GRIK5: variants seen among roughly 807,000 people sequenced by gnomAD.
GRIK5 encodes the protein glutamate ionotropic receptor kainate type subunit 5, also known as glutamate receptor ionotropic, kainate 5.
A neutral mutation model predicts 97.4 loss-of-function variants in GRIK5; 43 were observed. The observed-to-expected ratio is 0.44, with a 90% CI of 0.35 to 0.57. The LOEUF (loss-of-function observed/expected upper bound fraction) is 0.57, where lower values mean the gene tolerates loss of function less well. Ranked by LOEUF, GRIK5 falls within the 20% of genes least tolerant of loss-of-function variation. The pLI, the probability that GRIK5 is intolerant of heterozygous loss-of-function variation, is 0.01. For missense variants in GRIK5, 1,015 were observed against 1,382.0 expected (o/e 0.73, Z 4.21); for synonymous variants, 580 against 583.5 (o/e 0.99, Z 0.09).
At chr19:42,057,658 G>A (rs1360406429) in intron 6 of GRIK5, among the ~76,000 whole-genome samples, 1 of 152,080 alleles carries the variant, frequency 6.6e-6, no homozygotes, top group African/African-American at 2.4e-5. Context: ...GAGCCACCAG[G>A]CCCAGCAGAG....
chr19:42,042,981 C>T lies in GRIK5; in HGVS notation c.1270-226G>A. The T allele has an allele frequency of 1.8e-6, 1 of 571,422 alleles. No homozygotes were observed. The highest frequency in any genetic ancestry group is 2.2e-5 in the South Asian group (1 of 45,680). 35.4% of individuals were successfully genotyped at this position (571,422 alleles called of 1,614,324 possible). A position where few individuals can be genotyped will look rare whatever the true frequency, so the allele number is the denominator to read the frequency against. On this transcript the variant is annotated intron_variant, in intron 11 of 19. Coordinates refer to ENST00000593562, the MANE Select transcript of GRIK5 (RefSeq NM_002088.5). The surrounding 1 kb of genome is among the most constrained non-coding windows in gnomAD (Gnocchi z 6.9). ...CAGTTCCTAGCAGATTGCAGGGAGCCATTTTAATCTTCAGCAGCCAACCTG... is the reference window on the plus strand; with the variant it reads ...CAGTTCCTAGCAGATTGCAGGGAGCTATTTTAATCTTCAGCAGCCAACCTG...
At chr19:42,028,035 G>A (rs933565283) in intron 12 of GRIK5, among the ~76,000 whole-genome samples, 3 of 152,028 alleles carry the variant, frequency 2.0e-5, no homozygotes, top group Admixed American at 6.6e-5. Flanking sequence ...GTCTTACTAT[G>A]TTGCCCAGGC....
intron 12 of GRIK5, among the ~76,000 whole-genome samples, chr19:42,032,931 G>T (rs112061544): frequency 6.6e-6 from 1 of 152,308 alleles, no homozygotes; most frequent in Non-Finnish European, 1.5e-5. Flanking sequence ...CCACTAAGGT[G>T]TTCCTCAAGA....
chr19:41,999,291 C>G lies in GRIK5; in HGVS notation c.2523G>C (p.Val841=). ...RRSAESEEVS[V]CQEMLQELRH... ...GCAGCTCCTGCAGCATCTCCTGGCA[C>G]ACCGACACCTGGGGGTGGCGCGGGC... is the stretch of plus-strand genomic sequence containing the variant. Residue 841 remains valine, a synonymous_variant, in exon 20 of 20, where the codon GTG becomes GTC. Coordinates refer to ENST00000593562, the MANE Select transcript of GRIK5 (RefSeq NM_002088.5). This position sits in a 1 kb window ranked among gnomAD's most constrained non-coding sequence, Gnocchi z 5.0. The G allele has an allele frequency of 6.6e-7, 1 of 1,519,072 alleles. No homozygotes were observed. Among genetic ancestry groups the G allele is most frequent in the East Asian group, 2.6e-5 (1 of 38,014 alleles). 94.1% of individuals were successfully genotyped at this position (1,519,072 alleles called of 1,614,324 possible).
chr19:42,031,160 CT>C (rs1012087695), intron 12 of GRIK5, among the ~76,000 whole-genome samples: 3 of 152,218 alleles, frequency 2.0e-5, no homozygotes, highest in South Asian at 4.1e-4. Context: ...GGAGTCACCC[CT>C]GATCACGTTG....
chr19:42,014,886 C>G (rs2075606691), intron 15 of GRIK5, among the ~76,000 whole-genome samples: 1 of 152,136 alleles, frequency 6.6e-6, no homozygotes, highest in Non-Finnish European at 1.5e-5. Context: ...GAGACCCTAT[C>G]TCTATTTAAA....
chr19:42,056,545 C>G, intron 8 of GRIK5, 117 bp downstream of exon 8: 1 of 812,740 alleles, frequency 1.2e-6, no homozygotes, highest in East Asian at 2.5e-5. Flanking sequence ...GGCCACACCA[C>G]GAGGCCTCAG....
chr19:42,027,134 C>T (rs568586115), intron 12 of GRIK5, among the ~76,000 whole-genome samples: 84 of 152,248 alleles, frequency 5.5e-4, no homozygotes, highest in African/African-American at 2.0e-3. Flanking sequence ...TGTATAGCGC[C>T]CTCCACTAGC....
intron 19 of GRIK5, among the ~76,000 whole-genome samples, chr19:42,000,011 C>T (rs1240181967): frequency 6.6e-6 from 1 of 152,188 alleles, no homozygotes; most frequent in Non-Finnish European, 1.5e-5. Flanking sequence ...CCGAAATGCC[C>T]AGGTGGGAGT....
rs1045106230 is a variant in GRIK5 at position 42,069,653 on chromosome 19, G to C, written c.-463C>G. On this transcript the variant is annotated 5_prime_UTR_variant, in exon 1 of 20. Transcript: ENST00000593562. Reference sequence around the variant, plus strand: ...CCCCCTCCCCTAGCCGGGCCGGCCTGGGGGGGCCACAGGGGGCGAGGACTG... The same window carrying C: ...CCCCCTCCCCTAGCCGGGCCGGCCTCGGGGGGCCACAGGGGGCGAGGACTG... Among the ~76,000 whole-genome samples, 3 of 151,196 alleles carry C rather than the reference G, an allele frequency of 2.0e-5. No homozygotes were observed. The highest frequency in any genetic ancestry group is 6.6e-5 in the Admixed American group (1 of 15,252).
chr19:42,068,384 C>T (rs1049954862), intron 1 of GRIK5: 3 of 201,908 alleles, frequency 1.5e-5, no homozygotes, highest in Admixed American at 6.0e-5. Context: ...AAAGGCCACG[C>T]GAGGTAACAC....
In GRIK5 at chr19:42,012,544, C is replaced by T. The variant is rs139333377; in HGVS notation, c.1872-5734G>A. 2.9e-3 allele frequency among the ~76,000 whole-genome samples: 438 copies of T among 152,242 alleles called. 6 individuals carry two copies. Among genetic ancestry groups the T allele is most frequent in the African/African-American group, 0.01 (427 of 41,552 alleles). On this transcript the variant is annotated intron_variant, in intron 15 of 19. Coordinates refer to ENST00000593562, the MANE Select transcript of GRIK5 (RefSeq NM_002088.5). ...AGGATTACAGGCATGAGCCACCACG[C>T]CCGGCCAGTTTTCACATTTTTAAAT...
rs1555870475 is a variant in GRIK5 at position 41,999,597 on chromosome 19, T to C, written c.2515-298A>G. Among the ~76,000 whole-genome samples the C allele has an allele frequency of 2.0e-5, 3 of 152,178 alleles. No homozygotes were observed. The highest frequency in any genetic ancestry group is 7.2e-5 in the African/African-American group (3 of 41,434). ...TGGTCTTTTCACTGTCTCTAAATTTTCTCCAGTTCTTCCTTCCTGATTTCC... is the reference window on the plus strand; with the variant it reads ...TGGTCTTTTCACTGTCTCTAAATTTCCTCCAGTTCTTCCTTCCTGATTTCC... On this transcript the variant is annotated intron_variant, in intron 19 of 19. Coordinates refer to ENST00000593562, the MANE Select transcript of GRIK5 (RefSeq NM_002088.5). The surrounding 1 kb of genome is among the most constrained non-coding windows in gnomAD (Gnocchi z 5.0).
At position 42,022,548 on chromosome 19, in the gene GRIK5, T is replaced by TC; in HGVS notation, c.1474-195dup. 2 of 985,138 alleles carry TC rather than the reference T, an allele frequency of 2.0e-6. No homozygotes were observed. The highest frequency in any genetic ancestry group is 2.4e-6 in the Non-Finnish European group (2 of 829,866). 61.0% of individuals were successfully genotyped at this position (985,138 alleles called of 1,614,324 possible). ...CCTGAAATCGGACCCTCATCGCATG[T>TC]CCATCCTCATCATCTCACGTCTCCA... On this transcript the variant is annotated intron_variant, in intron 12 of 19. Transcript: ENST00000593562. The surrounding 1 kb of genome is among the most constrained non-coding windows in gnomAD (Gnocchi z 4.2).
chr19:42,002,253 G>A lies in GRIK5; in HGVS notation c.2514+1079C>T. On this transcript the variant is annotated intron_variant, in intron 19 of 19. Coordinates refer to ENST00000593562, the MANE Select transcript of GRIK5 (RefSeq NM_002088.5). The surrounding 1 kb of genome is among the most constrained non-coding windows in gnomAD (Gnocchi z 5.2). ...CAGGGAGACCCCCCACTGCTGCCAA[G>A]GCTGTAAAGAGAAGGGAAGAAAGTG... is the stretch of plus-strand genomic sequence containing the variant. 2.8e-6 allele frequency: 2 copies of A among 717,662 alleles called. No individual in the cohort carries two copies. Among genetic ancestry groups the A allele is most frequent in the South Asian group, 3.0e-5 (2 of 67,608 alleles). 44.5% of individuals were successfully genotyped at this position (717,662 alleles called of 1,614,324 possible).
chr19:42,054,421 G>A lies in GRIK5; in HGVS notation c.955C>T (p.Arg319Ter), dbSNP rs778282413. 1.9e-6 allele frequency: 3 copies of A among 1,613,494 alleles called. No homozygotes were observed. The highest frequency in any genetic ancestry group is 1.7e-6 in the Non-Finnish European group (2 of 1,180,002). Residue 319 changes from arginine to a stop codon, truncating the protein, a stop_gained, in exon 9 of 20, where the codon CGA becomes TGA. Transcript: ENST00000593562. LOFTEE classifies it high-confidence loss of function. ...ATCTCCTGGCTGCGGTTCAGCTCTC[G>A]GACAGCGCTCACCACCACGTGCACG... ...DAVHVVVSAV[R>*]ELNRSQEIGV...
In GRIK5 at chr19:42,042,480, T is replaced by C. The variant is rs1040069810; in HGVS notation, c.1473+72A>G. ...AGCCAGGCTGCTTCTGAGGTTCGAC[T>C]GGCTGCCCAGCTGCCCGCCCTCCCT... On this transcript the variant is annotated intron_variant, in intron 12 of 19. Transcript: ENST00000593562. This position sits in a 1 kb window ranked among gnomAD's most constrained non-coding sequence, Gnocchi z 6.9. 1.7e-4 allele frequency: 233 copies of C among 1,381,964 alleles called. No individual in the cohort carries two copies. Among genetic ancestry groups the C allele is most frequent in the Admixed American group, 6.1e-4 (33 of 54,360 alleles). The allele number at this position is 1,381,964 out of a possible 1,614,324, so 85.6% of individuals were successfully genotyped here.
Position 42,062,449 on chromosome 19 carries a change from C to T in GRIK5, c.508+39G>A, listed in dbSNP as rs762610967. 6.2e-7 allele frequency: 1 copy of T among 1,607,840 alleles called. No individual in the cohort carries two copies. The highest frequency in any genetic ancestry group is 1.1e-5 in the South Asian group (1 of 90,688). ...CACCAGATCTCTTGGGAAGGGGTGT[C>T]TGGGGGAACAGAAAACAAAACATTC... On this transcript the variant is annotated intron_variant, in intron 5 of 19. Transcript: ENST00000593562. This position sits in a 1 kb window ranked among gnomAD's most constrained non-coding sequence, Gnocchi z 5.3.
chr19:42,066,158 A>T (rs2076328515), intron 1 of GRIK5, among the ~76,000 whole-genome samples: 1 of 152,088 alleles, frequency 6.6e-6, no homozygotes, highest in Non-Finnish European at 1.5e-5. Context: ...GCCCCACCCA[A>T]ATAGGAAACC....
Sources: allele counts gnomAD v4.1 joint callset (sites outside exome capture counted in the v4.1 genomes callset), GRCh38; gene constraint gnomAD v4.1.1; non-coding constraint Gnocchi (gnomAD v3.1); transcripts MANE v1.5; gene names NCBI Gene and HGNC (gene_info 2026-07-23, HGNC 2026-07-21).